The following MALRD1 variants were observed in gnomAD, a reference collection of about 807,000 sequenced individuals.
MALRD1 encodes the protein MAM and LDL receptor class A domain containing 1.
A neutral mutation model predicts 242.1 loss-of-function variants in MALRD1; 247 were observed. The ratio of observed to expected loss-of-function variants is 1.02; its 90% CI spans 0.92 to 1.13. The LOEUF (loss-of-function observed/expected upper bound fraction) is 1.13. Among genes scored for constraint, MALRD1 ranks in the 50% most tolerant of loss-of-function variants. MALRD1 has a pLI of 0.00. For missense variants in MALRD1, 2,989 were observed against 2,533.1 expected (o/e 1.18, Z -3.86); for synonymous variants, 995 against 866.6 (o/e 1.15, Z -2.60).
intron 18 of MALRD1, among the ~76,000 whole-genome samples, chr10:19,223,616 T>A (rs1837655236): frequency 6.6e-6 from 1 of 152,194 alleles, no homozygotes; most frequent in Non-Finnish European, 1.5e-5. Flanking sequence ...GTGAAATAGG[T>A]ATACATGTGC....
At chr10:19,717,244 G>A (rs764237622) in intron 38 of MALRD1, among the ~76,000 whole-genome samples, 1 of 152,056 alleles carries the variant, frequency 6.6e-6, no homozygotes, top group East Asian at 1.9e-4. Flanking sequence ...AAGACAACAC[G>A]TGCTTCAGTA....
chr10:19,489,291 A>G, intron 29 of MALRD1: 1 of 499,392 alleles, frequency 2.0e-6, no homozygotes, highest in Non-Finnish European at 4.1e-6. Context: ...AAACAGGCCT[A>G]AGTGGCTAAC....
chr10:19,502,459 G>A (rs1308665359), intron 31 of MALRD1, among the ~76,000 whole-genome samples: 1 of 151,932 alleles, frequency 6.6e-6, no homozygotes, highest in Non-Finnish European at 1.5e-5. Context: ...ATCTTGCACA[G>A]CATAGTTTTA....
upstream of MALRD1, among the ~76,000 whole-genome samples, chr10:19,047,851 G>A (rs1034136409): frequency 2.4e-4 from 37 of 152,054 alleles, no homozygotes; most frequent in African/African-American, 8.2e-4. Flanking sequence ...CCTGGTCTAT[G>A]CTCCTTTCCA....
intron 28 of MALRD1, among the ~76,000 whole-genome samples, chr10:19,435,230 T>C (rs1834305639): frequency 6.6e-6 from 1 of 151,890 alleles, no homozygotes; most frequent in African/African-American, 2.4e-5. Context: ...TTAGAACAGT[T>C]TCAGATTGAG....
intron 31 of MALRD1, among the ~76,000 whole-genome samples, chr10:19,529,053 C>T (rs1488242668): frequency 2.0e-5 from 3 of 152,194 alleles, no homozygotes; most frequent in Non-Finnish European, 4.4e-5. Context: ...GCAGCCCACA[C>T]ACTTTGGTGA....
rs190544898 is a variant in MALRD1, at chr10:19,400,877, G to C, written c.4845+11268G>C. ...GTAAAAATACAAAAATTAGCCAGGC[G>C]TGGTGGCACGTTCCTGTAATCCTAA... On this transcript the variant is annotated intron_variant, in intron 28 of 39. Coordinates refer to ENST00000454679, the MANE Select transcript of MALRD1 (RefSeq NM_001142308.3). Among the ~76,000 whole-genome samples, 135 of 152,118 alleles carry C rather than the reference G, an allele frequency of 8.9e-4. 1 individual carries two copies. Among genetic ancestry groups the C allele is most frequent in the Middle Eastern group, 3.4e-3 (1 of 294 alleles).
chr10:19,263,879 T>G (rs1839860756), intron 19 of MALRD1, among the ~76,000 whole-genome samples: 1 of 152,146 alleles, frequency 6.6e-6, no homozygotes, highest in African/African-American at 2.4e-5. Flanking sequence ...ATGCCATCAG[T>G]TTTTTTCTTC....
At chr10:19,282,993 C>A in intron 20 of MALRD1, 26 bp from the exon 21 acceptor site, 1 of 1,482,800 alleles carries the variant, frequency 6.7e-7, no homozygotes, top group Non-Finnish European at 9.0e-7. Flanking sequence ...ACTAGCTCAC[C>A]TTTTCTTTGT....
intron 2 of MALRD1, among the ~76,000 whole-genome samples, chr10:19,071,010 C>G (rs568471226): frequency 1.6e-4 from 25 of 151,878 alleles, no homozygotes; most frequent in African/African-American, 6.0e-4. Flanking sequence ...TGCCACCACT[C>G]CTGGCTAATT....
chr10:19,482,985 G>C (rs1025537913), intron 29 of MALRD1, among the ~76,000 whole-genome samples: 4 of 151,768 alleles, frequency 2.6e-5, no homozygotes, highest in African/African-American at 9.7e-5. Context: ...CAAATAGCCA[G>C]AGTAATCCTG....
chr10:19,584,118 T>C (rs968141837), intron 33 of MALRD1, among the ~76,000 whole-genome samples: 312 of 150,784 alleles, frequency 2.1e-3, no homozygotes, highest in Non-Finnish European at 3.9e-3. Context: ...TCTCTCTTTT[T>C]TTCTTTATTA....
chr10:19,324,207 C>T (rs1257050300), intron 22 of MALRD1, 102 bp downstream of exon 22: 2 of 1,114,966 alleles, frequency 1.8e-6, no homozygotes, highest in East Asian at 2.6e-5. Flanking sequence ...TGAAAATGGA[C>T]AATTACCAAC....
intron 24 of MALRD1, among the ~76,000 whole-genome samples, chr10:19,336,694 A>G (rs148777275): frequency 6.6e-6 from 1 of 152,262 alleles, no homozygotes; most frequent in East Asian, 1.9e-4. Flanking sequence ...AATAACAAGA[A>G]TATTGCATAA....
intron 36 of MALRD1, among the ~76,000 whole-genome samples, chr10:19,666,086 G>A (rs1186198814): frequency 6.6e-6 from 1 of 151,970 alleles, no homozygotes; most frequent in Non-Finnish European, 1.5e-5. Flanking sequence ...CTCTTTCAAA[G>A]CCACAAGCTT....
chr10:19,078,390 C>T (rs1291371984), intron 2 of MALRD1, among the ~76,000 whole-genome samples: 2 of 151,496 alleles, frequency 1.3e-5, no homozygotes, highest in African/African-American at 4.8e-5. Flanking sequence ...ACCAATTTTG[C>T]ATTCCTAGGA....
intron 17 of MALRD1, among the ~76,000 whole-genome samples, chr10:19,208,164 G>A (rs999853339): frequency 6.6e-6 from 1 of 151,882 alleles, no homozygotes; most frequent in African/African-American, 2.4e-5. Flanking sequence ...CGAGACTGCT[G>A]TAAGACTCTT....
At chr10:19,369,759 CTATT>C (rs1845291800) in intron 26 of MALRD1, among the ~76,000 whole-genome samples, 1 of 151,294 alleles carries the variant, frequency 6.6e-6, no homozygotes, top group African/African-American at 2.4e-5. Flanking sequence ...GTTAAAGTAT[CTATT>C]TGTCTGATTA....
At chr10:19,434,234 G>C (rs544418308) in intron 28 of MALRD1, among the ~76,000 whole-genome samples, 52 of 152,164 alleles carry the variant, frequency 3.4e-4, no homozygotes, top group Middle Eastern at 6.8e-3. Context: ...TGTTTAAAAC[G>C]ATTTTATAAA....
Sources: gnomAD v4.1 joint callset for allele counts (sites outside exome capture counted in the v4.1 genomes callset) on GRCh38, gnomAD v4.1.1 for gene constraint, MANE v1.5 for transcripts, NCBI Gene and HGNC (gene_info 2026-07-23, HGNC 2026-07-21) for gene names.